The following INTS1 variants were observed in gnomAD, a reference collection of about 807,000 sequenced individuals.
The protein encoded by INTS1 is integrator complex subunit 1.
A neutral mutation model predicts 241.6 loss-of-function variants in INTS1; 137 were observed. The ratio of observed to expected loss-of-function variants is 0.57; its 90% CI spans 0.49 to 0.65. The LOEUF (loss-of-function observed/expected upper bound fraction) is 0.65. Among genes scored for constraint, INTS1 ranks in the 30% least tolerant of loss-of-function variants. The pLI is 0.00. For synonymous variants in INTS1, 1,692 were observed against 1,337.8 expected, an observed-to-expected ratio of 1.26 and a Z score of -5.78; for missense variants, 3,073 against 3,032.2, an observed-to-expected ratio of 1.01 and a Z score of -0.32.
intron 30 of INTS1, 141 bp downstream of exon 30, chr7:1,480,176 G>T: frequency 1.0e-6 from 1 of 1,003,476 alleles, no homozygotes; most frequent in Non-Finnish European, 1.4e-6. Flanking sequence ...GGTCACGCGT[G>T]TAAAGGCCGC....
chr7:1,477,902 G>T lies in INTS1; in HGVS notation c.4665C>A (p.His1555Gln). 1 of 1,612,614 alleles carries T rather than the reference G, an allele frequency of 6.2e-7. No individual in the cohort carries two copies. The highest frequency in any genetic ancestry group is 8.5e-7 in the Non-Finnish European group (1 of 1,179,836). The change falls in exon 34 of 48, where the codon CAC becomes CAA. Residue 1555 changes from histidine to glutamine, a missense_variant. Coordinates refer to ENST00000404767, the MANE Select transcript of INTS1 (RefSeq NM_001080453.3). ...AGAATGCAGTCAGCAGCTCCTCCAG[G>T]TGGGGGGACCTCACCTCGATCAGCC... ...LQGLIEVRSP[H>Q]LEELLTAFFS...
chr7:1,502,434 C>T (rs549968051), intron 3 of INTS1, among the ~76,000 whole-genome samples: 1 of 152,302 alleles, frequency 6.6e-6, no homozygotes, highest in East Asian at 1.9e-4. Flanking sequence ...TACTGTTCTG[C>T]TGCTTTTCAA....
chr7:1,486,995 G>A lies in INTS1; in HGVS notation c.2753C>T (p.Ala918Val). 1 of 1,607,344 alleles carries A rather than the reference G, an allele frequency of 6.2e-7. No individual in the cohort carries two copies. The highest frequency in any genetic ancestry group is 1.7e-4 in the Middle Eastern group (1 of 6,060). Reference sequence around the variant, plus strand: ...CTCCCCGGAAGCAGCATCGTCCACAGCATCGTGCAGCAGGAACTCGCACAG... The same window carrying A: ...CTCCCCGGAAGCAGCATCGTCCACAACATCGTGCAGCAGGAACTCGCACAG... Reference protein sequence around the residue: ...QCLCEFLLHDAVDDAASGEED... With the variant: ...QCLCEFLLHDVVDDAASGEED... Residue 918 changes from alanine to valine, a missense_variant, in exon 21 of 48, where the codon GCT becomes GTT. Physicochemically the swap from Ala to Val is moderately conservative, Grantham distance 64. Coordinates refer to ENST00000404767, the MANE Select transcript of INTS1 (RefSeq NM_001080453.3).
chr7:1,485,943 G>A (rs1420078132), intron 22 of INTS1, among the ~76,000 whole-genome samples: 1 of 152,154 alleles, frequency 6.6e-6, no homozygotes, highest in Non-Finnish European at 1.5e-5. Flanking sequence ...ACAGGTGCAT[G>A]CTGCCACACC....
chr7:1,487,499 C>A, intron 19 of INTS1, 50 bp from the exon 20 acceptor site: 2 of 1,579,386 alleles, frequency 1.3e-6, no homozygotes, highest in Non-Finnish European at 1.7e-6. Flanking sequence ...AGCGGATCAC[C>A]CCCAGAACCC....
At position 1,481,561 on chromosome 7, in the gene INTS1, G is replaced by A; in HGVS notation, c.3704-73C>T. 6.7e-7 allele frequency: 1 copy of A among 1,492,048 alleles called. No homozygotes were observed. Among genetic ancestry groups the A allele is most frequent in the Admixed American group, 2.0e-5 (1 of 49,844 alleles). 92.4% of individuals were successfully genotyped at this position (1,492,048 alleles called of 1,614,324 possible). ...GCACTCGGGACCCCACCCGAGACCT[G>A]GGGCTGCCTGTGTGCAGTGACCCCA... On this transcript the variant is annotated intron_variant, in intron 27 of 47. Coordinates refer to ENST00000404767, the MANE Select transcript of INTS1 (RefSeq NM_001080453.3). This position sits in a 1 kb window ranked among gnomAD's most constrained non-coding sequence, Gnocchi z 6.8.
Position 1,474,310 on chromosome 7 carries a change from AAGTTGAGGTGGGTGCGGCCGT to A in INTS1, c.5666_5686del (p.His1889_Phe1896delinsLeu). On this transcript the variant is annotated inframe_deletion, in exon 41 of 48. Coordinates refer to ENST00000404767, the MANE Select transcript of INTS1 (RefSeq NM_001080453.3). Reference sequence around the variant, plus strand: ...GTGGTTCTGCTGCCGGAACTCCTGGAAGTTGAGGTGGGTGCGGCCGTGCAGGAGCGCCGCGATCATGGGCAG... The same window carrying A: ...GTGGTTCTGCTGCCGGAACTCCTGGAGCAGGAGCGCCGCGATCATGGGCAG... 1 of 1,608,276 alleles carries A rather than the reference AAGTTGAGGTGGGTGCGGCCGT, an allele frequency of 6.2e-7. No individual in the cohort carries two copies. The highest frequency in any genetic ancestry group is 8.5e-7 in the Non-Finnish European group (1 of 1,178,784).
At position 1,499,611 on chromosome 7, in the gene INTS1, C is replaced by T; in HGVS notation, c.706G>A (p.Gly236Arg). 2 of 1,612,404 alleles carry T rather than the reference C, an allele frequency of 1.2e-6. No individual in the cohort carries two copies. The highest frequency in any genetic ancestry group is 1.7e-6 in the Non-Finnish European group (2 of 1,179,138). Residue 236 changes from glycine (G) to arginine (R), a missense_variant, in exon 6 of 48, where the codon GGG becomes AGG. Physicochemically the swap from Gly to Arg is moderately radical, Grantham distance 125. Transcript: ENST00000404767. ...FVKVYIEDSL[G>R]ERIWVDSPHC... is the part of the protein sequence containing the mutation. Reference sequence around the variant, plus strand: ...GGGCTGTCCACCCAGATCCGCTCCCCCAGGGAGTCCTCGATGTACACCTGT... The same window carrying T: ...GGGCTGTCCACCCAGATCCGCTCCCTCAGGGAGTCCTCGATGTACACCTGT...
rs1782136363 is a variant in INTS1, at chr7:1,484,183, C to T, written c.3262-13G>A. On this transcript the variant is annotated splice_polypyrimidine_tract_variant and intron_variant, in intron 24 of 47. Transcript: ENST00000404767. ...GCCGGGCCACGTCCTGGTGTGTGGA[C>T]AGGGGGGCGTCAGAGGCTCCGAGAC... The T allele has an allele frequency of 2.5e-6, 4 of 1,599,158 alleles. No individual in the cohort carries two copies. In the South Asian group the frequency reaches 3.3e-5, roughly 13 times the overall value.
At position 1,478,788 on chromosome 7, in the gene INTS1, G is replaced by C. The variant is rs1313555444; in HGVS notation, c.4427C>G (p.Pro1476Arg). 6.2e-7 allele frequency: 1 copy of C among 1,604,952 alleles called. No homozygotes were observed. The highest frequency in any genetic ancestry group is 8.5e-7 in the Non-Finnish European group (1 of 1,176,802). Residue 1476 changes from proline to arginine, a missense_variant, in exon 32 of 48, where the codon CCC becomes CGC. Pro to Arg is a moderately radical substitution (Grantham distance 103). Coordinates refer to ENST00000404767, the MANE Select transcript of INTS1 (RefSeq NM_001080453.3). ...WLDSPGVEGGPLRAQLRMLAS... is the reference protein window; with the variant it reads ...WLDSPGVEGGRLRAQLRMLAS... ...AAGCATCCTGAGCTGTGCCCGCAGG[G>C]GCCCGCCCTCCACGCCAGGGCTGTC...
In INTS1 at chr7:1,479,585, C is replaced by T. The variant is rs774121770; in HGVS notation, c.4174G>A (p.Val1392Ile). 8 of 1,540,972 alleles carry T rather than the reference C, an allele frequency of 5.2e-6. No individual in the cohort carries two copies. The highest frequency in any genetic ancestry group is 4.9e-5 in the East Asian group (2 of 40,734). Reference sequence around the variant, plus strand: ...CCCGGCACCTCGGGGCTGCCCTGGACGACGCGGGCCAGCTCCTGGCCCAGG... The same window carrying T: ...CCCGGCACCTCGGGGCTGCCCTGGATGACGCGGGCCAGCTCCTGGCCCAGG... ...QALGQELARV[V>I]QGSPEVPGIT... The change falls in exon 31 of 48, where the codon GTC becomes ATC. Residue 1392 changes from valine (V) to isoleucine (I), a missense_variant. Physicochemically the swap from Val to Ile is conservative, Grantham distance 29. Transcript: ENST00000404767.
intron 44 of INTS1, 164 bp from the exon 45 acceptor site, chr7:1,471,805 C>G (rs1208743842): frequency 4.6e-6 from 3 of 646,848 alleles, no homozygotes; most frequent in Non-Finnish European, 8.1e-6. Context: ...CCCCCAAGCT[C>G]CACAAATACC....
rs539712784 is a variant in INTS1, at chr7:1,497,501, G to T, written c.1426-187C>A. 1.5e-4 allele frequency among the ~76,000 whole-genome samples: 23 copies of T among 152,298 alleles called. No homozygotes were observed. In the East Asian group the frequency reaches 4.3e-3, roughly 28 times the overall value. ...CCCTTGGCGAGCAGGGATCACATCT[G>T]ATTCCCCTCTCTGAGAACCGGCAGG... On this transcript the variant is annotated intron_variant, in intron 10 of 47. Transcript: ENST00000404767. The surrounding 1 kb of genome is among the most constrained non-coding windows in gnomAD (Gnocchi z 5.3).
At chr7:1,490,684 C>T (rs905557587) in intron 16 of INTS1, among the ~76,000 whole-genome samples, 22 of 152,346 alleles carry the variant, frequency 1.4e-4, no homozygotes, top group African/African-American at 3.1e-4. Context: ...CTGTCTCCCT[C>T]GAAATCCCAG....
At chr7:1,471,492 C>T in intron 45 of INTS1, 79 bp downstream of exon 45, 2 of 1,478,042 alleles carry the variant, frequency 1.4e-6, no homozygotes, top group Non-Finnish European at 1.9e-6. Context: ...GCGGGCACGC[C>T]ATGTTGGGGT....
At position 1,499,214 on chromosome 7, in the gene INTS1, C is replaced by G. The variant is rs1562521190; in HGVS notation, c.950+41G>C. On this transcript the variant is annotated intron_variant, in intron 7 of 47. Transcript: ENST00000404767. The stretch of plus-strand genomic sequence containing the variant: ...AGGAAGGTGGCCCCGAGGCGCCCGC[C>G]CCCGCCGCCCCCAACTGGGACCGGG... The G allele has an allele frequency of 6.2e-6, 10 of 1,604,572 alleles. No homozygotes were observed. In the East Asian group the frequency reaches 2.2e-4, roughly 36 times the overall value.
intron 40 of INTS1, 126 bp downstream of exon 40, chr7:1,474,579 T>C: frequency 7.4e-7 from 1 of 1,347,594 alleles, no homozygotes; most frequent in Non-Finnish European, 9.9e-7. Context: ...CCGGTCAAGC[T>C]CAGCCCATGG....
chr7:1,504,173 G>C, intron 1 of INTS1, 150 bp downstream of exon 1: 1 of 538,596 alleles, frequency 1.9e-6, no homozygotes, highest in Non-Finnish European at 3.2e-6. Flanking sequence ...AGCCGCCCGG[G>C]AGCGGCTCAG....
In INTS1 at chr7:1,476,739, T is replaced by A. The variant is rs1227669869; in HGVS notation, c.5063+55A>T. The stretch of plus-strand genomic sequence containing the variant: ...CCAGTCAGAGCCGGCGCTGGGAGAT[T>A]TCTGGTGAAGGCCAGTATGCGCGCA... On this transcript the variant is annotated intron_variant, in intron 36 of 47. Coordinates refer to ENST00000404767, the MANE Select transcript of INTS1 (RefSeq NM_001080453.3). 3 of 1,612,112 alleles carry A rather than the reference T, an allele frequency of 1.9e-6. No homozygotes were observed. The African/African-American group carries it at 4.0e-5, about 22-fold the overall frequency.
Sources: gnomAD v4.1 joint callset for allele counts (sites outside exome capture counted in the v4.1 genomes callset) on GRCh38, gnomAD v4.1.1 for gene constraint, Gnocchi (gnomAD v3.1) non-coding constraint, MANE v1.5 for transcripts, NCBI Gene and HGNC (gene_info 2026-07-23, HGNC 2026-07-21) for gene names.